REC114: variants seen among roughly 807,000 people sequenced by gnomAD.
REC114 encodes the protein REC114 meiotic recombination protein, also known as meiotic recombination protein REC114.
Under a neutral mutation model 31.3 loss-of-function variants are expected in REC114, and 27 were observed. That is an observed-to-expected ratio of 0.86 (90% CI 0.64 to 1.19). The LOEUF is 1.19. Among genes scored for constraint, REC114 ranks in the 50% most tolerant of loss-of-function variants. The pLI is 0.00. For missense variants in REC114, 344 were observed against 326.9 expected, an observed-to-expected ratio of 1.05 and a Z score of -0.40; for synonymous variants, 134 against 127.7, an observed-to-expected ratio of 1.05 and a Z score of -0.33.
rs2279276 is a variant in REC114, at chr15:73,556,435, G to C, written c.636+44G>C. 4.8e-4 allele frequency: 729 copies of C among 1,503,238 alleles called. 12 individuals carry two copies. In the East Asian group the frequency reaches 0.016, roughly 34 times the overall value. 93.1% of individuals were successfully genotyped at this position (1,503,238 alleles called of 1,614,324 possible). On this transcript the variant is annotated intron_variant, in intron 5 of 5. Transcript: ENST00000331090. ...TTCAATTTTCTTGTCATGAGAAGCAGTGACCCCTAAGAATTTGTATCCCTT... is the reference window on the plus strand; with the variant it reads ...TTCAATTTTCTTGTCATGAGAAGCACTGACCCCTAAGAATTTGTATCCCTT...
chr15:73,489,089 T>A (rs1037469026), intron 2 of REC114, among the ~76,000 whole-genome samples: 6 of 152,150 alleles, frequency 3.9e-5, no homozygotes, highest in African/African-American at 1.4e-4. Flanking sequence ...TGCTCTCTGC[T>A]TTTGAGATGG....
chr15:73,514,504 C>G (rs960784357), intron 2 of REC114, among the ~76,000 whole-genome samples: 1 of 152,102 alleles, frequency 6.6e-6, no homozygotes, highest in Non-Finnish European at 1.5e-5. Flanking sequence ...TGACCCAATT[C>G]TATTTCTCCA....
intron 2 of REC114, among the ~76,000 whole-genome samples, chr15:73,478,739 A>G (rs1332889741): frequency 5.3e-5 from 8 of 152,168 alleles, no homozygotes; most frequent in African/African-American, 4.8e-5. Context: ...TCTCTCATCA[A>G]TGTTTTGTAG....
At chr15:73,542,344 G>GA (rs11315254) in intron 3 of REC114, among the ~76,000 whole-genome samples, 1 of 141,152 alleles carries the variant, frequency 7.1e-6, no homozygotes, top group African/African-American at 2.6e-5. Flanking sequence ...AAAAAAAAAA[G>GA]AAAAAAAAAA....
intron 2 of REC114, among the ~76,000 whole-genome samples, chr15:73,502,177 A>C (rs973077904): frequency 6.6e-6 from 1 of 152,090 alleles, no homozygotes; most frequent in Non-Finnish European, 1.5e-5. Context: ...AAATGACAGA[A>C]TGCCAGGAAT....
chr15:73,450,827 ACACT>A (rs1433034432), intron 1 of REC114, among the ~76,000 whole-genome samples: 4 of 152,244 alleles, frequency 2.6e-5, no homozygotes, highest in African/African-American at 7.2e-5. Flanking sequence ...CAGGATTAAG[ACACT>A]CACTCAAAAC....
In REC114 at chr15:73,532,194, C is replaced by T. The variant is rs1894095383; in HGVS notation, c.250-8291C>T. 2.0e-5 allele frequency among the ~76,000 whole-genome samples: 3 copies of T among 150,390 alleles called. No homozygotes were observed. The Admixed American group carries it at 2.0e-4, about 10-fold the overall frequency. On this transcript the variant is annotated intron_variant, in intron 2 of 5. Coordinates refer to ENST00000331090, the MANE Select transcript of REC114 (RefSeq NM_001042367.2). Reference sequence around the variant, plus strand: ...ATTCCCCTTCCTGTGTCCATGTGATCTTATTGTTCAGTTCCCACCTATGAG... The same window carrying T: ...ATTCCCCTTCCTGTGTCCATGTGATTTTATTGTTCAGTTCCCACCTATGAG...
intron 2 of REC114, among the ~76,000 whole-genome samples, chr15:73,479,499 T>C (rs1264689302): frequency 6.6e-6 from 1 of 152,084 alleles, no homozygotes; most frequent in Non-Finnish European, 1.5e-5. Flanking sequence ...TGCTATTATC[T>C]ATATTTATGC....
chr15:73,500,966 G>C (rs1197013963), intron 2 of REC114, among the ~76,000 whole-genome samples: 2 of 152,090 alleles, frequency 1.3e-5, no homozygotes, highest in Non-Finnish European at 2.9e-5. Context: ...TATGTATTTA[G>C]GGAGGAGTCA....
chr15:73,537,488 C>A (rs983699167), intron 2 of REC114, among the ~76,000 whole-genome samples: 3 of 146,810 alleles, frequency 2.0e-5, no homozygotes, highest in African/African-American at 5.4e-5. Context: ...TAGTGGGTAT[C>A]CCCCCCTGAA....
intron 2 of REC114, among the ~76,000 whole-genome samples, chr15:73,485,018 TAAC>T (rs1893346365): frequency 6.6e-6 from 1 of 152,216 alleles, no homozygotes; most frequent in Non-Finnish European, 1.5e-5. Flanking sequence ...AAAGCAGTCT[TAAC>T]TACAGAATCT....
chr15:73,508,295 T>G lies in REC114; in HGVS notation c.250-32190T>G, dbSNP rs183131032. ...GGAAATTAAATTTTAATATATTGTG[T>G]GTTGATAAAAATGTAATGAAGTTAG... On this transcript the variant is annotated intron_variant, in intron 2 of 5. Transcript: ENST00000331090. Among the ~76,000 whole-genome samples, 6 of 152,294 alleles carry G rather than the reference T, an allele frequency of 3.9e-5. No individual in the cohort carries two copies. The East Asian group carries it at 1.2e-3, about 29-fold the overall frequency.
intron 2 of REC114, among the ~76,000 whole-genome samples, chr15:73,514,615 T>C (rs1254013517): frequency 6.6e-6 from 1 of 152,184 alleles, no homozygotes; most frequent in African/African-American, 2.4e-5. Context: ...GTATTCATAA[T>C]GGGCAACATT....
Position 73,559,998 on chromosome 15 carries a change from AAG to A in REC114, c.*85_*86del, listed in dbSNP as rs1293607052. 7.5e-7 allele frequency: 1 copy of A among 1,327,900 alleles called. No homozygotes were observed. The highest frequency in any genetic ancestry group is 1.0e-6 in the Non-Finnish European group (1 of 972,560). The allele number at this position is 1,327,900 out of a possible 1,614,324, so 82.3% of individuals were successfully genotyped here. ...TAAAATTAAAGAAGATATTAGAATA[AAG>A]AGTATTATCCAAACACCTTTTATCA... On this transcript the variant is annotated 3_prime_UTR_variant, in exon 6 of 6. Transcript: ENST00000331090.
At chr15:73,536,913 G>T (rs1275762876) in intron 2 of REC114, among the ~76,000 whole-genome samples, 1 of 152,112 alleles carries the variant, frequency 6.6e-6, no homozygotes, top group East Asian at 1.9e-4. Context: ...TACATGTGCA[G>T]GTTTGTTACC....
At chr15:73,509,216 T>G in intron 2 of REC114, among the ~76,000 whole-genome samples, 1 of 151,840 alleles carries the variant, frequency 6.6e-6, no homozygotes. Flanking sequence ...CATTTTTTCA[T>G]GTGTTTTTTG....
At chr15:73,470,263 A>G (rs1270614311) in intron 1 of REC114, among the ~76,000 whole-genome samples, 1 of 152,192 alleles carries the variant, frequency 6.6e-6, no homozygotes, top group African/African-American at 2.4e-5. Flanking sequence ...TTGTTTATCA[A>G]TATAATCCCA....
chr15:73,469,083 T>C (rs1354804197), intron 1 of REC114, among the ~76,000 whole-genome samples: 5 of 152,172 alleles, frequency 3.3e-5, no homozygotes, highest in Admixed American at 3.3e-4. Flanking sequence ...TTTGTGTTGG[T>C]GTTAGATGGA....
Position 73,559,927 on chromosome 15 carries a change from A to G in REC114, c.*11A>G, listed in dbSNP as rs1894560000. 1 of 1,572,856 alleles carries G rather than the reference A, an allele frequency of 6.4e-7. No homozygotes were observed. Among genetic ancestry groups the G allele is most frequent in the East Asian group, 2.3e-5 (1 of 43,520 alleles). ...GGTTTGAGAAATTAATGCTCTATAT[A>G]CATATATAACTAAGGAACTTCAAAG... is the stretch of plus-strand genomic sequence containing the variant. On this transcript the variant is annotated 3_prime_UTR_variant, in exon 6 of 6. Coordinates refer to ENST00000331090, the MANE Select transcript of REC114 (RefSeq NM_001042367.2).
Sources: gnomAD v4.1 joint callset for allele counts (sites outside exome capture counted in the v4.1 genomes callset) on GRCh38, gnomAD v4.1.1 for gene constraint, MANE v1.5 for transcripts, NCBI Gene and HGNC (gene_info 2026-07-23, HGNC 2026-07-21) for gene names.